ROBO2: variants seen among roughly 807,000 people sequenced by gnomAD.
The protein encoded by ROBO2 is roundabout homolog 2.
In ROBO2, 53 loss-of-function variants were observed where a neutral mutation model predicts 160.8. The ratio of observed to expected loss-of-function variants is 0.33; its 90% CI spans 0.26 to 0.41. The LOEUF is 0.41. ROBO2 is among the 10% of genes least tolerant of loss of function. ROBO2 has a pLI of 1.00. For missense variants in ROBO2, 1,577 were observed against 1,722.4 expected (o/e 0.92, Z 1.49); for synonymous variants, 664 against 611.7 (o/e 1.09, Z -1.26).
At chr3:76,491,588 A>G (rs1351052627) in intron 2 of ROBO2, among the ~76,000 whole-genome samples, 1 of 152,212 alleles carries the variant, frequency 6.6e-6, no homozygotes. Flanking sequence ...ACAGAATGAT[A>G]TTCTACCTTT....
intron 2 of ROBO2, among the ~76,000 whole-genome samples, chr3:76,265,499 T>A (rs753251130): frequency 6.6e-6 from 1 of 152,190 alleles, no homozygotes; most frequent in Non-Finnish European, 1.5e-5. Context: ...GAAATAGTTA[T>A]AAATTCATAG....
chr3:76,304,155 A>G (rs768987503), intron 2 of ROBO2, among the ~76,000 whole-genome samples: 2 of 152,204 alleles, frequency 1.3e-5, no homozygotes, highest in Non-Finnish European at 2.9e-5. Flanking sequence ...CTTGGAAACA[A>G]AACTGATATA....
intron 2 of ROBO2, among the ~76,000 whole-genome samples, chr3:76,444,123 G>A (rs1437940887): frequency 6.6e-6 from 1 of 151,824 alleles, no homozygotes; most frequent in Non-Finnish European, 1.5e-5. Context: ...GCGCCACCAC[G>A]CCCGGCTAAT....
chr3:76,973,135 A>G lies in ROBO2; in HGVS notation c.110-124879A>G, dbSNP rs2059651366. ...GGCCCCAGAAGGAAGATAAGCTGAG[A>G]CCCAAGTTCAGCTGTGTCAGAGACT... On this transcript the variant is annotated intron_variant, in intron 2 of 26. Coordinates refer to the ROBO2 transcript ENST00000487694. Among the ~76,000 whole-genome samples, 9 of 152,150 alleles carry G rather than the reference A, an allele frequency of 5.9e-5. No individual in the cohort carries two copies. In the South Asian group the frequency reaches 1.9e-3, roughly 31 times the overall value.
At chr3:76,430,789 G>A (rs1346782800) in intron 2 of ROBO2, among the ~76,000 whole-genome samples, 1 of 151,970 alleles carries the variant, frequency 6.6e-6, no homozygotes, top group Non-Finnish European at 1.5e-5. Context: ...CTTAGTAGTT[G>A]TTCAGCCAAT....
At chr3:77,561,762 T>G (rs1389824713) in intron 9 of ROBO2, among the ~76,000 whole-genome samples, 2 of 152,134 alleles carry the variant, frequency 1.3e-5, no homozygotes, top group East Asian at 3.9e-4. Flanking sequence ...GCAATTTACA[T>G]ATAAGTGAAT....
At chr3:76,299,606 GT>G (rs2107734521) in intron 2 of ROBO2, among the ~76,000 whole-genome samples, 1 of 152,262 alleles carries the variant, frequency 6.6e-6, no homozygotes, top group Admixed American at 6.5e-5. Flanking sequence ...TATGACTTAG[GT>G]TTTGAAAAGA....
intron 2 of ROBO2, among the ~76,000 whole-genome samples, chr3:76,982,483 T>C: frequency 6.6e-6 from 1 of 152,222 alleles, no homozygotes. Context: ...ACCTTTGTAG[T>C]AAATTTTGAA....
exon 17 of ROBO2, chr3:77,588,908 G>A (rs756730995): frequency 3.7e-6 from 6 of 1,613,370 alleles, no homozygotes; most frequent in Non-Finnish European, 5.1e-6. Context: ...GAAGAAAGAA[G>A]AGGAAGGGAC....
At chr3:76,422,046 T>G (rs1427681684) in intron 2 of ROBO2, among the ~76,000 whole-genome samples, 1 of 152,178 alleles carries the variant, frequency 6.6e-6, no homozygotes, top group East Asian at 1.9e-4. Flanking sequence ...TTTGCCAAAC[T>G]GGGCAAATAA....
At chr3:76,285,537 A>G (rs888537711) in intron 2 of ROBO2, among the ~76,000 whole-genome samples, 4 of 152,114 alleles carry the variant, frequency 2.6e-5, no homozygotes, top group Non-Finnish European at 4.4e-5. Context: ...GCTTGAAGAA[A>G]ATAAAATTCC....
At chr3:76,045,728 C>T (rs980337931) in intron 2 of ROBO2, among the ~76,000 whole-genome samples, 1 of 151,894 alleles carries the variant, frequency 6.6e-6, no homozygotes, top group African/African-American at 2.4e-5. Flanking sequence ...AATATTTTGC[C>T]ACAGGTTTAT....
chr3:77,338,916 T>C (rs1244455715), intron 2 of ROBO2, among the ~76,000 whole-genome samples: 1 of 152,104 alleles, frequency 6.6e-6, no homozygotes, highest in African/African-American at 2.4e-5. Flanking sequence ...TGATTTGTTT[T>C]TGAATTATAG....
chr3:76,522,148 G>C (rs1332626180), intron 2 of ROBO2, among the ~76,000 whole-genome samples: 1 of 152,132 alleles, frequency 6.6e-6, no homozygotes, highest in African/African-American at 2.4e-5. Context: ...TCTGTATCCA[G>C]TATGTTTATG....
intron 2 of ROBO2, among the ~76,000 whole-genome samples, chr3:76,257,788 A>G (rs1706495361): frequency 6.6e-6 from 1 of 152,112 alleles, no homozygotes; most frequent in African/African-American, 2.4e-5. Context: ...ATAGTGCACA[A>G]TTCCTTTCTC....
chr3:77,419,307 A>C (rs2153530502), intron 2 of ROBO2, among the ~76,000 whole-genome samples: 1 of 152,278 alleles, frequency 6.6e-6, no homozygotes, highest in East Asian at 1.9e-4. Flanking sequence ...AACATAGTTA[A>C]GCGTTTCACA....
At chr3:77,083,089 C>T (rs575538750) in intron 1 of ROBO2, among the ~76,000 whole-genome samples, 3 of 152,126 alleles carry the variant, frequency 2.0e-5, no homozygotes, top group Admixed American at 1.3e-4. Flanking sequence ...CATTTCTCCC[C>T]CTGCAGTCAG....
At chr3:76,551,704 C>T (rs576445121) in intron 2 of ROBO2, among the ~76,000 whole-genome samples, 3 of 152,238 alleles carry the variant, frequency 2.0e-5, no homozygotes, top group South Asian at 4.1e-4. Context: ...CTTCCAGGCA[C>T]CACCATGTTC....
At chr3:76,461,674 A>G (rs974017019) in intron 2 of ROBO2, among the ~76,000 whole-genome samples, 4 of 152,210 alleles carry the variant, frequency 2.6e-5, no homozygotes, top group Non-Finnish European at 4.4e-5. Context: ...TTTCTTTACA[A>G]ATTCTTCAAA....
Sources: allele counts gnomAD v4.1 joint callset (sites outside exome capture counted in the v4.1 genomes callset), GRCh38; gene constraint gnomAD v4.1.1; transcripts MANE v1.5; gene names NCBI Gene and HGNC (gene_info 2026-07-23, HGNC 2026-07-21).